The following FBXL2 variants were observed in gnomAD, a reference collection of about 807,000 sequenced individuals.
The protein encoded by FBXL2 is F-box and leucine rich repeat protein 2.
FBXL2 carries 38 observed loss-of-function variants against 69.2 expected under a neutral mutation model. The observed-to-expected ratio is 0.55, with a 90% CI of 0.42 to 0.72. The LOEUF (loss-of-function observed/expected upper bound fraction) is 0.72, where lower values mean the gene tolerates loss of function less well. Among genes scored for constraint, FBXL2 ranks in the 30% least tolerant of loss-of-function variants. The pLI, the probability that FBXL2 is intolerant of heterozygous loss-of-function variation, is 0.00. For missense variants in FBXL2, 354 were observed against 520.3 expected, an observed-to-expected ratio of 0.68 and a Z score of 3.11; for synonymous variants, 192 against 201.3, an observed-to-expected ratio of 0.95 and a Z score of 0.39.
chr3:33,301,626 C>T (rs769842100), intron 2 of FBXL2, among the ~76,000 whole-genome samples: 15 of 152,096 alleles, frequency 9.9e-5, no homozygotes, highest in Non-Finnish European at 1.5e-4. Context: ...CAAGTTTTTA[C>T]AGTTTTGCTT....
intron 1 of FBXL2, among the ~76,000 whole-genome samples, chr3:33,294,639 G>A (rs555724357): frequency 2.0e-4 from 30 of 152,046 alleles, no homozygotes; most frequent in Non-Finnish European, 3.4e-4. Context: ...AGGAGTTCAA[G>A]ACCAGCCTGG....
intron 5 of FBXL2, chr3:33,372,779 A>G: frequency 2.1e-6 from 1 of 475,084 alleles, no homozygotes; most frequent in Non-Finnish European, 3.8e-6. Context: ...CTCTATTCTC[A>G]TGATTCGGTG....
chr3:33,403,820 A>T (rs2044335839), downstream of FBXL2, among the ~76,000 whole-genome samples: 1 of 152,208 alleles, frequency 6.6e-6, no homozygotes, highest in Admixed American at 6.5e-5. Context: ...ACATGGTGTG[A>T]TTTCACTTTA....
intron 12 of FBXL2, chr3:33,397,624 T>A (rs1389574211): frequency 6.6e-6 from 1 of 152,336 alleles, no homozygotes; most frequent in Non-Finnish European, 1.5e-5. Flanking sequence ...CTCTTTATTC[T>A]GAAACGTGCA....
At chr3:33,284,028 G>GT (rs775044095) in intron 1 of FBXL2, among the ~76,000 whole-genome samples, 20 of 152,060 alleles carry the variant, frequency 1.3e-4, no homozygotes, top group Non-Finnish European at 2.8e-4. Flanking sequence ...TTTTTGAAGG[G>GT]TTTTTTGTGT....
chr3:33,342,141 A>G (rs1224508094), intron 2 of FBXL2, among the ~76,000 whole-genome samples: 3 of 149,734 alleles, frequency 2.0e-5, no homozygotes, highest in Non-Finnish European at 4.4e-5. Flanking sequence ...AGTAGCTGGG[A>G]CTACAGGTGC....
Position 33,359,370 on chromosome 3 carries a change from T to C in FBXL2, c.195+13T>C, listed in dbSNP as rs1186079986. 5 of 1,601,236 alleles carry C rather than the reference T, an allele frequency of 3.1e-6. No individual in the cohort carries two copies. The highest frequency in any genetic ancestry group is 4.3e-6 in the Non-Finnish European group (5 of 1,172,382). ...AACAGATGTAGAGGTAAGTTAGCTTTGGTTTAGACAAAAAACTTTTTAAAA... is the reference window on the plus strand; with the variant it reads ...AACAGATGTAGAGGTAAGTTAGCTTCGGTTTAGACAAAAAACTTTTTAAAA... On this transcript the variant is annotated intron_variant, in intron 4 of 14. Transcript: ENST00000484457.
rs77274390 is a variant in FBXL2 at position 33,301,020 on chromosome 3, C to T, written c.65+3295C>T. 5.7e-3 allele frequency among the ~76,000 whole-genome samples: 874 copies of T among 152,128 alleles called. 10 individuals carry two copies. The highest frequency in any genetic ancestry group is 0.02 in the African/African-American group (841 of 41,516). ...GCCCGGCCTTTCCTAGCTACCCTTT[C>T]TAAGAAAAATGTTGAAGAAGGGTTT... On this transcript the variant is annotated intron_variant, in intron 2 of 14. Transcript: ENST00000484457.
At chr3:33,342,501 T>G (rs892674415) in intron 2 of FBXL2, among the ~76,000 whole-genome samples, 8 of 151,628 alleles carry the variant, frequency 5.3e-5, no homozygotes, top group Admixed American at 1.3e-4. Context: ...GAGTTTCTGA[T>G]AATGTTAGCA....
chr3:33,349,674 T>C (rs1053920027), intron 2 of FBXL2, among the ~76,000 whole-genome samples: 1 of 152,158 alleles, frequency 6.6e-6, no homozygotes, highest in Admixed American at 6.5e-5. Flanking sequence ...GTGGGATTGG[T>C]ATTAATTTTT....
chr3:33,403,986 C>T (rs1370468045), downstream of FBXL2, among the ~76,000 whole-genome samples: 1 of 152,170 alleles, frequency 6.6e-6, no homozygotes, highest in Admixed American at 6.5e-5. Context: ...TGACTCATGC[C>T]CCTAATCTCA....
chr3:33,396,121 A>G, intron 12 of FBXL2: 1 of 1,486,954 alleles, frequency 6.7e-7, no homozygotes, highest in African/African-American at 1.4e-5. Flanking sequence ...TCTGTCTGAC[A>G]GTCTCAGAAG....
chr3:33,351,083 T>G (rs1373934345), intron 2 of FBXL2, among the ~76,000 whole-genome samples: 1 of 152,026 alleles, frequency 6.6e-6, no homozygotes, highest in Admixed American at 6.5e-5. Context: ...CTGACCAACA[T>G]GGTGAAACCC....
chr3:33,381,011 A>G (rs957133256), intron 13 of FBXL2, among the ~76,000 whole-genome samples: 2 of 152,196 alleles, frequency 1.3e-5, no homozygotes, highest in Non-Finnish European at 2.9e-5. Flanking sequence ...AGCTTTGACT[A>G]TTGACTACGT....
intron 2 of FBXL2, among the ~76,000 whole-genome samples, chr3:33,305,881 T>C (rs889350138): frequency 6.6e-6 from 1 of 151,986 alleles, no homozygotes; most frequent in Non-Finnish European, 1.5e-5. Flanking sequence ...TCTGTTGTAA[T>C]GTTACTTTCT....
At position 33,384,285 on chromosome 3, in the gene FBXL2, A is replaced by G. The variant is rs1489111954; in HGVS notation, c.1164+84A>G. ...ATCAAGAATCAGACCGGGGCTAGGC[A>G]CGCGGTGGCTCACGCCTGTAATCCC... On this transcript the variant is annotated intron_variant, in intron 14 of 14. Coordinates refer to ENST00000484457, the MANE Select transcript of FBXL2 (RefSeq NM_012157.5). 7 of 1,364,518 alleles carry G rather than the reference A, an allele frequency of 5.1e-6. No homozygotes were observed. The East Asian group carries it at 1.5e-4, about 28-fold the overall frequency. The allele number at this position is 1,364,518 out of a possible 1,614,324, so 84.5% of individuals were successfully genotyped here.
intron 4 of FBXL2, chr3:33,364,326 G>A: frequency 2.7e-6 from 1 of 370,250 alleles, no homozygotes; most frequent in Non-Finnish European, 4.9e-6. Flanking sequence ...GGTAGGGAGG[G>A]CCTAACCCCA....
intron 2 of FBXL2, among the ~76,000 whole-genome samples, chr3:33,313,440 C>G (rs1287691424): frequency 1.3e-5 from 2 of 151,966 alleles, no homozygotes; most frequent in Non-Finnish European, 2.9e-5. Context: ...ATAAACTCTT[C>G]CAGAAATTTG....
intron 5 of FBXL2, among the ~76,000 whole-genome samples, chr3:33,364,938 G>A (rs540598756): frequency 1.5e-4 from 23 of 152,084 alleles, no homozygotes; most frequent in Non-Finnish European, 2.9e-4. Context: ...TATTTCCCCC[G>A]GCCGAGTGTC....
Sources: allele counts gnomAD v4.1 joint callset (sites outside exome capture counted in the v4.1 genomes callset), GRCh38; gene constraint gnomAD v4.1.1; transcripts MANE v1.5; gene names NCBI Gene and HGNC (gene_info 2026-07-23, HGNC 2026-07-21).